The following SETBP1 variants were observed in gnomAD, a reference collection of about 807,000 sequenced individuals.
The protein encoded by SETBP1 is SET-binding protein.
In SETBP1, 9 loss-of-function variants were observed where a neutral mutation model predicts 101.0. The observed-to-expected ratio is 0.09, with a 90% confidence interval of 0.05 to 0.16. The LOEUF is 0.16. Ranked by LOEUF, SETBP1 falls within the 10% of genes least tolerant of loss-of-function variation. The probability of loss-of-function intolerance (pLI) is 1.00; values close to 1 mark genes in which losing one functional copy is unlikely to be tolerated. For missense variants in SETBP1, 1,858 were observed against 2,033.8 expected, an observed-to-expected ratio of 0.91 and a Z score of 1.66; for synonymous variants, 818 against 788.5, an observed-to-expected ratio of 1.04 and a Z score of -0.63.
intron 3 of SETBP1, among the ~76,000 whole-genome samples, chr18:44,921,923 G>C (rs1345150254): frequency 6.6e-6 from 1 of 152,140 alleles, no homozygotes; most frequent in Admixed American, 6.5e-5. Context: ...CATGTCACAG[G>C]CATGTAGGAT....
At chr18:44,827,819 T>C (rs2072269361) in intron 2 of SETBP1, among the ~76,000 whole-genome samples, 1 of 152,222 alleles carries the variant, frequency 6.6e-6, no homozygotes, top group Admixed American at 6.5e-5. Context: ...TTGTTGACCC[T>C]GTTAAGCCTT....
intron 5 of SETBP1, among the ~76,000 whole-genome samples, chr18:45,043,564 C>T (rs947618501): frequency 6.6e-6 from 1 of 152,116 alleles, no homozygotes; most frequent in Non-Finnish European, 1.5e-5. Context: ...TCTGTTGTAT[C>T]AAGGCTAATC....
intron 2 of SETBP1, among the ~76,000 whole-genome samples, chr18:44,837,675 G>T: frequency 6.6e-6 from 1 of 152,214 alleles, no homozygotes; most frequent in South Asian, 2.1e-4. Flanking sequence ...AAGGAGCTGG[G>T]AGGGACACAT....
In SETBP1 at chr18:44,849,794, C is replaced by T. The variant is rs903500882; in HGVS notation, c.487-19436C>T. On this transcript the variant is annotated intron_variant, in intron 2 of 5. Coordinates refer to ENST00000649279, the MANE Select transcript of SETBP1 (RefSeq NM_015559.3). ...ATCCCATACCTTCAAAATGGAATTACGGTGTCTATTCACAAAAAGAAATGT... is the reference window on the plus strand; with the variant it reads ...ATCCCATACCTTCAAAATGGAATTATGGTGTCTATTCACAAAAAGAAATGT... Among the ~76,000 whole-genome samples the T allele has an allele frequency of 9.2e-5, 14 of 152,188 alleles. No individual in the cohort carries two copies. In the East Asian group the frequency reaches 2.5e-3, roughly 27 times the overall value.
At chr18:44,781,283 A>G (rs1204445042) in intron 2 of SETBP1, among the ~76,000 whole-genome samples, 1 of 152,190 alleles carries the variant, frequency 6.6e-6, no homozygotes, top group Non-Finnish European at 1.5e-5. Flanking sequence ...ATTATAGAGC[A>G]TTGAGGGTGG....
At position 44,799,990 on chromosome 18, in the gene SETBP1, G is replaced by A. The variant is rs889384248; in HGVS notation, c.487-69240G>A. On this transcript the variant is annotated intron_variant, in intron 2 of 5. Transcript: ENST00000649279. Reference sequence around the variant, plus strand: ...TTTGTTCCTTTCATCTCCTTTTCAGGTCAGTACCTTGGAAACTGTGGACAG... The same window carrying A: ...TTTGTTCCTTTCATCTCCTTTTCAGATCAGTACCTTGGAAACTGTGGACAG... Among the ~76,000 whole-genome samples, 4 of 152,264 alleles carry A rather than the reference G, an allele frequency of 2.6e-5. No individual in the cohort carries two copies. The South Asian group carries it at 8.3e-4, about 32-fold the overall frequency.
intron 2 of SETBP1, among the ~76,000 whole-genome samples, chr18:44,790,256 A>C (rs2071342306): frequency 6.6e-6 from 1 of 152,174 alleles, no homozygotes; most frequent in African/African-American, 2.4e-5. Flanking sequence ...AATCTCAACC[A>C]AATCAAACTG....
At chr18:45,016,924 C>T (rs1001593385) in intron 4 of SETBP1, among the ~76,000 whole-genome samples, 1 of 152,166 alleles carries the variant, frequency 6.6e-6, no homozygotes, top group Middle Eastern at 3.4e-3. Context: ...AGGACTCCTC[C>T]GTCTCCTTTC....
chr18:44,887,217 T>C (rs748505112), intron 3 of SETBP1, among the ~76,000 whole-genome samples: 1 of 152,138 alleles, frequency 6.6e-6, no homozygotes, highest in Admixed American at 6.5e-5. Flanking sequence ...ACAACGTAGG[T>C]GCCCAATAAA....
At chr18:44,967,647 G>A (rs1302566373) in intron 4 of SETBP1, among the ~76,000 whole-genome samples, 1 of 152,130 alleles carries the variant, frequency 6.6e-6, no homozygotes, top group Non-Finnish European at 1.5e-5. Flanking sequence ...TCTAATTGTT[G>A]ATCCACTCAG....
intron 4 of SETBP1, among the ~76,000 whole-genome samples, chr18:44,984,011 G>A (rs2072172934): frequency 6.7e-6 from 1 of 150,036 alleles, no homozygotes; most frequent in Non-Finnish European, 1.5e-5. Flanking sequence ...GACCACCCCG[G>A]CTAACATGGT....
chr18:44,940,654 C>T (rs1434157779), intron 3 of SETBP1, among the ~76,000 whole-genome samples: 3 of 152,136 alleles, frequency 2.0e-5, no homozygotes, highest in African/African-American at 7.2e-5. Context: ...TATATGTACG[C>T]TCTTATTCTT....
At chr18:44,791,962 A>G (rs140911542) in intron 2 of SETBP1, among the ~76,000 whole-genome samples, 1 of 152,202 alleles carries the variant, frequency 6.6e-6, no homozygotes, top group East Asian at 1.9e-4. Flanking sequence ...TGGAGCCAGA[A>G]CCATGCACTT....
rs1006561792 is a variant in SETBP1 at position 44,953,263 on chromosome 18, C to T, written c.3923C>T (p.Thr1308Met). 8.7e-6 allele frequency: 14 copies of T among 1,613,922 alleles called. No individual in the cohort carries two copies. The highest frequency in any genetic ancestry group is 1.0e-5 in the Non-Finnish European group (12 of 1,180,042). The change falls in exon 4 of 6, where the codon ACG becomes ATG. Residue 1308 changes from threonine (T) to methionine (M), a missense_variant. Around this residue, in one of 12 missense-constraint regions of SETBP1, gnomAD observed 417 missense variants for 389.1 expected, o/e 1.07. Coordinates refer to ENST00000649279, the MANE Select transcript of SETBP1 (RefSeq NM_015559.3). Reference protein sequence around the residue: ...SKRRSYEGFGTYREKDIQAFK... With the variant: ...SKRRSYEGFGMYREKDIQAFK... ...AGGAGGAGCTATGAAGGCTTTGGAA[C>T]GTACAGGGAAAAGGACATCCAAGCC...
chr18:45,041,956 C>CA (rs977437592), intron 5 of SETBP1, among the ~76,000 whole-genome samples: 13 of 147,536 alleles, frequency 8.8e-5, no homozygotes, highest in South Asian at 2.2e-4. Context: ...AACTCTATCT[C>CA]AAAAAAAAAT....
intron 2 of SETBP1, among the ~76,000 whole-genome samples, chr18:44,846,251 C>T (rs1176317596): frequency 6.6e-6 from 1 of 152,120 alleles, no homozygotes; most frequent in Non-Finnish European, 1.5e-5. Flanking sequence ...AAGTTTAATG[C>T]TCCCATAGTA....
At position 44,952,694 on chromosome 18, in the gene SETBP1, G is replaced by A; in HGVS notation, c.3354G>A (p.Gln1118=). ...AAGCCAAGCATGGAGTACACCTGCA[G>A]GGACCTGTTAGCATGGGCCTTGGTG... ...KHKAKHGVHL[Q]GPVSMGLGDM... is the part of the protein sequence containing the mutation. The change falls in exon 4 of 6, where the codon CAG becomes CAA. Residue 1118 remains glutamine (Q), a synonymous_variant. Transcript: ENST00000649279. 1 of 1,614,132 alleles carries A rather than the reference G, an allele frequency of 6.2e-7. No individual in the cohort carries two copies. The highest frequency in any genetic ancestry group is 2.2e-5 in the East Asian group (1 of 44,864).
At chr18:44,978,835 C>T (rs1056596981) in intron 4 of SETBP1, among the ~76,000 whole-genome samples, 10 of 152,164 alleles carry the variant, frequency 6.6e-5, no homozygotes, top group African/African-American at 9.6e-5. Context: ...AGCTACAGGA[C>T]GTGATGCCAT....
chr18:44,756,212 A>G (rs2070490505), intron 2 of SETBP1, among the ~76,000 whole-genome samples: 2 of 144,094 alleles, frequency 1.4e-5, no homozygotes, highest in Admixed American at 6.9e-5. Context: ...GTAAGACTCC[A>G]TGTCAAAAAA....
Sources: allele counts gnomAD v4.1 joint callset (sites outside exome capture counted in the v4.1 genomes callset), GRCh38; gene constraint gnomAD v4.1.1; regional missense constraint gnomAD v4.1.1; transcripts MANE v1.5; gene names NCBI Gene and HGNC (gene_info 2026-07-23, HGNC 2026-07-21).